Variants in POLN observed in about 807,000 individuals in gnomAD.
The protein encoded by POLN is DNA polymerase nu.
In POLN, 108 loss-of-function variants were observed where a neutral mutation model predicts 113.5. The ratio of observed to expected loss-of-function variants is 0.95; its 90% confidence interval spans 0.81 to 1.12. The LOEUF is 1.12. Among genes scored for constraint, POLN ranks in the 50% most tolerant of loss-of-function variants. POLN has a pLI of 0.00. For missense variants in POLN, 1,097 were observed against 1,077.1 expected, an observed-to-expected ratio of 1.02 and a Z score of -0.26; for synonymous variants, 386 against 391.5, an observed-to-expected ratio of 0.99 and a Z score of 0.17.
intron 3 of POLN, among the ~76,000 whole-genome samples, chr4:2,222,890 CCCA>C (rs1286822236): frequency 3.3e-5 from 5 of 152,120 alleles, no homozygotes; most frequent in African/African-American, 1.2e-4. Flanking sequence ...CTGTATTGCA[CCCA>C]CAACTTGTGA....
chr4:2,135,699 A>C (rs1443408531), intron 16 of POLN, among the ~76,000 whole-genome samples: 2 of 152,198 alleles, frequency 1.3e-5, no homozygotes, highest in East Asian at 3.9e-4. Context: ...ACCAGGTGAG[A>C]GTCCAAATGT....
Position 2,153,518 on chromosome 4 carries a change from A to G in POLN, c.1731+3270T>C, listed in dbSNP as rs115454296. On this transcript the variant is annotated intron_variant, in intron 16 of 25. Transcript: ENST00000511885. ...TTGCGGGGATATGGAGTTTTGAGTG[A>G]CTTTTTACTTTGTTACTTACATTTT... 3.8e-3 allele frequency among the ~76,000 whole-genome samples: 571 copies of G among 152,240 alleles called. 5 individuals are homozygous for G. Among genetic ancestry groups the G allele is most frequent in the African/African-American group, 0.013 (549 of 41,544 alleles).
At chr4:2,155,783 T>C (rs1385531074) in intron 16 of POLN, among the ~76,000 whole-genome samples, 2 of 152,150 alleles carry the variant, frequency 1.3e-5, no homozygotes, top group Non-Finnish European at 2.9e-5. Flanking sequence ...TATCAAGAGA[T>C]GTTAAAATAA....
intron 16 of POLN, among the ~76,000 whole-genome samples, chr4:2,152,402 T>TG (rs1732319048): frequency 6.7e-6 from 1 of 148,380 alleles, no homozygotes. Context: ...AGTGCTGTGA[T>TG]GCGATCACAA....
intron 15 of POLN, among the ~76,000 whole-genome samples, chr4:2,157,153 G>T (rs747175849): frequency 1.3e-5 from 2 of 152,190 alleles, no homozygotes; most frequent in Non-Finnish European, 2.9e-5. Context: ...GGGGAGCTTG[G>T]TGCGGGCTCG....
intron 16 of POLN, among the ~76,000 whole-genome samples, chr4:2,137,570 T>C (rs1330570974): frequency 1.3e-5 from 2 of 152,162 alleles, no homozygotes; most frequent in South Asian, 2.1e-4. Context: ...TCTGGAACCC[T>C]GTGAGTGGCT....
At chr4:2,121,422 G>A (rs541188082) in intron 19 of POLN, among the ~76,000 whole-genome samples, 8 of 128,854 alleles carry the variant, frequency 6.2e-5, no homozygotes, top group Non-Finnish European at 8.3e-5. Flanking sequence ...GTGACAGAGC[G>A]AGACTCTGTC....
At chr4:2,174,401 G>GA in intron 10 of POLN, among the ~76,000 whole-genome samples, 1 of 152,216 alleles carries the variant, frequency 6.6e-6, no homozygotes, top group East Asian at 1.9e-4. Context: ...ACCAGAATGA[G>GA]AGACAACCAC....
At chr4:2,236,505 C>A (rs757911038) in intron 2 of POLN, 1 of 1,334,282 alleles carries the variant, frequency 7.5e-7, no homozygotes, top group South Asian at 1.2e-5. Flanking sequence ...AAGTCAGTAT[C>A]ATTTTCAAAA....
At chr4:2,083,983 G>A (rs1730492537) in intron 21 of POLN, among the ~76,000 whole-genome samples, 1 of 152,224 alleles carries the variant, frequency 6.6e-6, no homozygotes, top group Non-Finnish European at 1.5e-5. Context: ...CTCCAGCTGG[G>A]GCAGCCAAGT....
At chr4:2,200,958 C>T (rs999361808) in intron 5 of POLN, among the ~76,000 whole-genome samples, 3 of 151,780 alleles carry the variant, frequency 2.0e-5, no homozygotes, top group Non-Finnish European at 4.4e-5. Context: ...TTAAGGAAGT[C>T]AAAAAAATGA....
chr4:2,176,407 C>G, intron 8 of POLN, 73 bp from the exon 9 acceptor site: 1 of 1,172,650 alleles, frequency 8.5e-7, no homozygotes. Flanking sequence ...CTGTAACTGA[C>G]ATGACTTGAA....
intron 19 of POLN, among the ~76,000 whole-genome samples, chr4:2,118,656 T>G (rs1278958479): frequency 6.6e-6 from 1 of 152,208 alleles, no homozygotes; most frequent in African/African-American, 2.4e-5. Context: ...CTGCCTGCCC[T>G]GGCCCTGAAG....
intron 2 of POLN, chr4:2,240,718 A>G (rs1734952228): frequency 1.2e-6 from 2 of 1,613,914 alleles, no homozygotes; most frequent in Non-Finnish European, 1.7e-6. Flanking sequence ...GCTTCATCCA[A>G]TGCCGCCCCT....
intron 2 of POLN, chr4:2,231,052 C>G (rs1279461200): frequency 6.6e-6 from 1 of 152,184 alleles, no homozygotes; most frequent in African/African-American, 2.4e-5. Flanking sequence ...CACTGCTCAG[C>G]TGTCTTGTAG....
chr4:2,117,783 T>C (rs957784833), intron 19 of POLN, among the ~76,000 whole-genome samples: 2 of 152,218 alleles, frequency 1.3e-5, no homozygotes, highest in Non-Finnish European at 2.9e-5. Context: ...TAGTCCATTG[T>C]TCTCCATGGC....
Position 2,144,517 on chromosome 4 carries a change from G to A in POLN, c.1731+12271C>T, listed in dbSNP as rs572476892. Among the ~76,000 whole-genome samples the A allele has an allele frequency of 2.6e-4, 39 of 152,154 alleles. No homozygotes were observed. In the South Asian group the frequency reaches 3.3e-3, roughly 13 times the overall value. ...ATTGTATTCATCAAAATCCTGCCAC[G>A]TGCCAGCTATTATGAAAAATGCTAG... On this transcript the variant is annotated intron_variant, in intron 16 of 25. Transcript: ENST00000511885.
Position 2,081,746 on chromosome 4 carries a change from G to A in POLN, c.2198-3C>T, listed in dbSNP as rs1162876603. On this transcript the variant is annotated splice_region_variant and splice_polypyrimidine_tract_variant and intron_variant, in intron 21 of 25. Coordinates refer to ENST00000511885, the MANE Select transcript of POLN (RefSeq NM_181808.4). Reference sequence around the variant, plus strand: ...GCCCATGATGGACACCACACAGCCTGAGTCACACAGAGCAAAAGTAGATGA... The same window carrying A: ...GCCCATGATGGACACCACACAGCCTAAGTCACACAGAGCAAAAGTAGATGA... The A allele has an allele frequency of 6.2e-7, 1 of 1,613,068 alleles. No individual in the cohort carries two copies. Among genetic ancestry groups the A allele is most frequent in the Non-Finnish European group, 8.5e-7 (1 of 1,179,154 alleles).
intron 22 of POLN, 102 bp downstream of exon 22, chr4:2,081,531 G>C: frequency 8.8e-7 from 1 of 1,140,074 alleles, no homozygotes; most frequent in Non-Finnish European, 1.3e-6. Flanking sequence ...GTGATGAGCA[G>C]GAAATACCGC....
Sources: gnomAD v4.1 joint callset for allele counts (sites outside exome capture counted in the v4.1 genomes callset) on GRCh38, gnomAD v4.1.1 for gene constraint, MANE v1.5 for transcripts, NCBI Gene and HGNC (gene_info 2026-07-23, HGNC 2026-07-21) for gene names.